CORO1A: variants seen among roughly 807,000 people sequenced by gnomAD.
CORO1A encodes the protein coronin 1A.
Under a neutral mutation model 44.1 loss-of-function variants are expected in CORO1A, and 17 were observed. The ratio of observed to expected loss-of-function variants is 0.39; its 90% CI spans 0.26 to 0.58. The LOEUF is 0.58. Ranked by LOEUF, CORO1A falls within the 20% of genes least tolerant of loss-of-function variation. The probability of loss-of-function intolerance (pLI) is 0.62; values close to 1 mark genes in which losing one functional copy is unlikely to be tolerated. For synonymous variants in CORO1A, 271 were observed against 244.2 expected, an observed-to-expected ratio of 1.11 and a Z score of -1.02; for missense variants, 415 against 606.5, an observed-to-expected ratio of 0.68 and a Z score of 3.32.
intron 7 of CORO1A, 46 bp from the exon 8 acceptor site, chr16:30,187,896 G>A: frequency 6.2e-7 from 1 of 1,612,536 alleles, no homozygotes; most frequent in Non-Finnish European, 8.5e-7. Context: ...CCAGGGCAGT[G>A]GGCATCCGCT....
In CORO1A at chr16:30,185,261, C is replaced by T; in HGVS notation, c.52C>T (p.Pro18Ser). The T allele has an allele frequency of 6.2e-7, 1 of 1,614,206 alleles. No homozygotes were observed. The highest frequency in any genetic ancestry group is 8.5e-7 in the Non-Finnish European group (1 of 1,180,024). ...SSKFRHVFGQ[P>S]AKADQCYEDV... ...CAAGTTCCGCCACGTGTTTGGACAGCCGGCCAAGGCCGACCAGTGCTATGA... is the reference window on the plus strand; with the variant it reads ...CAAGTTCCGCCACGTGTTTGGACAGTCGGCCAAGGCCGACCAGTGCTATGA... The change falls in exon 2 of 11, where the codon CCG becomes TCG. Residue 18 changes from proline (P) to serine (S), a missense_variant. Around this residue, in one of 2 missense-constraint regions of CORO1A, gnomAD observed 325 missense variants for 521.7 expected, o/e 0.62. Transcript: ENST00000219150.
At position 30,184,811 on chromosome 16, in the gene CORO1A, G is replaced by A. The variant is rs560325885; in HGVS notation, c.-1-398G>A. On this transcript the variant is annotated intron_variant, in intron 1 of 10. Coordinates refer to ENST00000219150, the MANE Select transcript of CORO1A (RefSeq NM_007074.4). This position sits in a 1 kb window ranked among gnomAD's most constrained non-coding sequence, Gnocchi z 4.3. ...TGTGAGGGAGGTGGGCTCTGGACAC[G>A]GTAACTAAGAGAGAACCCACCCTCG... The A allele has an allele frequency of 8.1e-5, 27 of 331,624 alleles. No individual in the cohort carries two copies. Among genetic ancestry groups the A allele is most frequent in the South Asian group, 6.7e-4 (26 of 39,022 alleles). The allele number at this position is 331,624 out of a possible 1,614,324, so 20.5% of individuals were successfully genotyped here. A position where few individuals can be genotyped will look rare whatever the true frequency, so the allele number is the denominator to read the frequency against.
chr16:30,186,773 T>C, intron 3 of CORO1A, 43 bp from the exon 4 acceptor site: 2 of 1,609,402 alleles, frequency 1.2e-6, no homozygotes, highest in African/African-American at 1.3e-5. Flanking sequence ...GGATGGGATC[T>C]GACATTTGGA....
In CORO1A at chr16:30,187,080, G is replaced by A; in HGVS notation, c.493G>A (p.Ala165Thr). 1.2e-6 allele frequency: 2 copies of A among 1,614,098 alleles called. No homozygotes were observed. The highest frequency in any genetic ancestry group is 2.2e-5 in the South Asian group (2 of 91,086). ...CATGGTGTGGGACGTGGGCACTGGGGCGGCCATGCTGACACTGGGCCCAGA... is the reference window on the plus strand; with the variant it reads ...CATGGTGTGGGACGTGGGCACTGGGACGGCCATGCTGACACTGGGCCCAGA... ...VIMVWDVGTG[A>T]AMLTLGPEVH... Residue 165 changes from alanine (A) to threonine (T), a missense_variant, in exon 5 of 11, where the codon GCG becomes ACG. By Grantham distance (58) the Ala-to-Thr change is moderately conservative. Around this residue, in one of 2 missense-constraint regions of CORO1A, gnomAD observed 325 missense variants for 521.7 expected, o/e 0.62. Transcript: ENST00000219150.
chr16:30,187,139 G>C lies in CORO1A; in HGVS notation c.552G>C (p.Trp184Cys), dbSNP rs1377932301. The change falls in exon 5 of 11, where the codon TGG becomes TGC. Residue 184 changes from tryptophan (W) to cysteine (C), a missense_variant. By Grantham distance (215) the Trp-to-Cys change is radical. Coordinates refer to ENST00000219150, the MANE Select transcript of CORO1A (RefSeq NM_007074.4). ...CAGACACGATCTACAGTGTGGACTG[G>C]AGCCGAGATGGAGGCCTCATTTGTA... Reference protein sequence around the residue: ...VHPDTIYSVDWSRDGGLICTS... With the variant: ...VHPDTIYSVDCSRDGGLICTS... 1.9e-6 allele frequency: 3 copies of C among 1,614,082 alleles called. No individual in the cohort carries two copies. The highest frequency in any genetic ancestry group is 2.5e-6 in the Non-Finnish European group (3 of 1,180,014).
chr16:30,188,923 A>G lies in CORO1A; in HGVS notation c.1345A>G (p.Lys449Glu). 6.6e-5 allele frequency: 20 copies of G among 301,986 alleles called. No homozygotes were observed. Among genetic ancestry groups the G allele is most frequent in the Non-Finnish European group, 9.1e-5 (16 of 175,138 alleles). 18.7% of individuals were successfully genotyped at this position (301,986 alleles called of 1,614,324 possible). ...KLQATVQELQ[K>E]RLDRLEETVQ... Reference sequence around the variant, plus strand: ...CCAGGCCACGGTGCAGGAGCTCCAGAAGCGCTTGGACAGGCTGGAGGAGAC... The same window carrying G: ...CCAGGCCACGGTGCAGGAGCTCCAGGAGCGCTTGGACAGGCTGGAGGAGAC... Residue 449 changes from lysine to glutamate, a missense_variant, in exon 11 of 11, where the codon AAG (lysine) becomes GAG (glutamate). By Grantham distance (56) the Lys-to-Glu change is moderately conservative. This residue lies in a region of CORO1A where 90 missense variants were observed against 84.7 expected (regional missense o/e 1.06). Transcript: ENST00000219150.
rs573555452 is a variant in CORO1A at position 30,188,717 on chromosome 16, T to C, written c.1281+141T>C. ...GAGGCCTCAGAACACAGGTTTCAGA[T>C]TGATAGGCCTGCAGGTCTCCAGGCA... On this transcript the variant is annotated intron_variant, in intron 10 of 10. Coordinates refer to ENST00000219150, the MANE Select transcript of CORO1A (RefSeq NM_007074.4). 165 of 670,866 alleles carry C rather than the reference T, an allele frequency of 2.5e-4. No homozygotes were observed. The African/African-American group carries it at 3.1e-3, about 13-fold the overall frequency. 41.6% of individuals were successfully genotyped at this position (670,866 alleles called of 1,614,324 possible).
rs1240726423 is a variant in CORO1A, at chr16:30,186,725, G to A, written c.321+5G>A. 1 of 1,611,678 alleles carries A rather than the reference G, an allele frequency of 6.2e-7. No homozygotes were observed. Among genetic ancestry groups the A allele is most frequent in the South Asian group, 1.1e-5 (1 of 91,020 alleles). On this transcript the variant is annotated splice_donor_5th_base_variant and intron_variant, in intron 3 of 10. Transcript: ENST00000219150. ...TCCGAGGACTGCACAGTCATGGTGA[G>A]TGGTGGTGGGGACCCAGGGGCTGGG...
rs1395773015 is a variant in CORO1A, at chr16:30,187,392, G to A, written c.647G>A (p.Arg216His). The change falls in exon 6 of 11, where the codon CGT becomes CAT. Residue 216 changes from arginine to histidine, a missense_variant. This residue lies in a region of CORO1A where 325 missense variants were observed against 521.7 expected (regional missense o/e 0.62). Coordinates refer to ENST00000219150, the MANE Select transcript of CORO1A (RefSeq NM_007074.4). Reference sequence around the variant, plus strand: ...TCCCTTTCCTTGCAGGAGAAGGACCGTCCCCACGAGGGGACCCGGCCCGTG... The same window carrying A: ...TCCCTTTCCTTGCAGGAGAAGGACCATCCCCACGAGGGGACCCGGCCCGTG... ...RKGTVVAEKD[R>H]PHEGTRPVRA... is the part of the protein sequence containing the mutation. 1.2e-6 allele frequency: 2 copies of A among 1,610,840 alleles called. No individual in the cohort carries two copies. The highest frequency in any genetic ancestry group is 1.6e-4 in the Middle Eastern group (1 of 6,062).
intron 9 of CORO1A, 49 bp from the exon 10 acceptor site, chr16:30,188,312 G>A: frequency 2.5e-6 from 4 of 1,611,758 alleles, no homozygotes; most frequent in Non-Finnish European, 3.4e-6. Context: ...TCTTGTGGGG[G>A]GTGTCCTGGC....
At position 30,188,182 on chromosome 16, in the gene CORO1A, C is replaced by T; in HGVS notation, c.1008-10C>T. The T allele has an allele frequency of 6.2e-7, 1 of 1,614,122 alleles. No homozygotes were observed. Among genetic ancestry groups the T allele is most frequent in the Non-Finnish European group, 8.5e-7 (1 of 1,180,012 alleles). On this transcript the variant is annotated splice_polypyrimidine_tract_variant and intron_variant, in intron 8 of 10. Transcript: ENST00000219150. ...GACTGTGGGCCCCGCTCACCTTCCCCTTCCCACAGGTTCTACAAGCTGCAC... is the reference window on the plus strand; with the variant it reads ...GACTGTGGGCCCCGCTCACCTTCCCTTTCCCACAGGTTCTACAAGCTGCAC...
At position 30,184,379 on chromosome 16, in the gene CORO1A, C is replaced by G. The variant is rs1180700642; in HGVS notation, c.-2+654C>G. The G allele has an allele frequency of 6.5e-6, 1 of 152,688 alleles. No homozygotes were observed. Among genetic ancestry groups the G allele is most frequent in the Non-Finnish European group, 1.5e-5 (1 of 68,376 alleles). 9.5% of individuals were successfully genotyped at this position (152,688 alleles called of 1,614,324 possible). On this transcript the variant is annotated intron_variant, in intron 1 of 10. Transcript: ENST00000219150. This position sits in a 1 kb window ranked among gnomAD's most constrained non-coding sequence, Gnocchi z 4.3. ...GAGGCTGAGGCTAGGGGCAGAGGCTCTGGGCATGGCACCCTCCAAGCGGCA... is the reference window on the plus strand; with the variant it reads ...GAGGCTGAGGCTAGGGGCAGAGGCTGTGGGCATGGCACCCTCCAAGCGGCA...
rs867912280 is a variant in CORO1A, at chr16:30,184,703, G to A, written c.-1-506G>A. On this transcript the variant is annotated intron_variant, in intron 1 of 10. Coordinates refer to ENST00000219150, the MANE Select transcript of CORO1A (RefSeq NM_007074.4). The surrounding 1 kb of genome is among the most constrained non-coding windows in gnomAD (Gnocchi z 4.3). ...CTCACTCCCCTCAGGCAGCCCCCAC[G>A]CCACTTCCTCCTGTGTCCAGCCCCA... 1.0e-5 allele frequency: 2 copies of A among 198,858 alleles called. No individual in the cohort carries two copies. The highest frequency in any genetic ancestry group is 2.1e-5 in the Non-Finnish European group (2 of 94,896). The allele number at this position is 198,858 out of a possible 1,614,324, so 12.3% of individuals were successfully genotyped here.
intron 2 of CORO1A, chr16:30,186,147 C>T (rs564732165): frequency 7.4e-6 from 2 of 269,110 alleles, no homozygotes; most frequent in Admixed American, 5.0e-5. Flanking sequence ...GGACAGGCTC[C>T]CTGGCCCCTC....
chr16:30,185,413 CCCCTGGGG>C lies in CORO1A; in HGVS notation c.198+15_198+22del. On this transcript the variant is annotated splice_region_variant and intron_variant, in intron 2 of 10. Coordinates refer to ENST00000219150, the MANE Select transcript of CORO1A (RefSeq NM_007074.4). ...TGGTGCTGCCCCTGGGCAAGGTGAG[CCCCTGGGG>C]CCCTGGGGGGAGCAGCTCCTCCACC... 1 of 1,611,826 alleles carries C rather than the reference CCCCTGGGG, an allele frequency of 6.2e-7. No homozygotes were observed. The highest frequency in any genetic ancestry group is 2.2e-5 in the East Asian group (1 of 44,866).
In CORO1A at chr16:30,185,625, C is replaced by T. The variant is rs1039063653; in HGVS notation, c.198+218C>T. 5.0e-6 allele frequency: 3 copies of T among 598,676 alleles called. No individual in the cohort carries two copies. In the South Asian group the frequency reaches 6.0e-5, roughly 12 times the overall value. 37.1% of individuals were successfully genotyped at this position (598,676 alleles called of 1,614,324 possible). A position where few individuals can be genotyped will look rare whatever the true frequency, so the allele number is the denominator to read the frequency against. ...GGAGCCAACACAAGATGGGTCACAC[C>T]AGTGACCAGGACTACAGACAGTCCT... On this transcript the variant is annotated intron_variant, in intron 2 of 10. Transcript: ENST00000219150.
chr16:30,185,767 C>A, intron 2 of CORO1A: 1 of 330,904 alleles, frequency 3.0e-6, no homozygotes, highest in Non-Finnish European at 5.7e-6. Context: ...TTGGGAGGGA[C>A]TCTGGCTCTG....
In CORO1A at chr16:30,186,827, C is replaced by A. The variant is rs767834047; in HGVS notation, c.333C>A (p.Ile111=). ...CCCCTCCTCTGCAGGTGTGGGAGAT[C>A]CCAGATGGGGGCCTGATGCTGCCCC... The part of the protein sequence containing the change: ...SEDCTVMVWE[I]PDGGLMLPLR... Residue 111 remains isoleucine, a synonymous_variant, in exon 4 of 11, where the codon ATC becomes ATA. Coordinates refer to ENST00000219150, the MANE Select transcript of CORO1A (RefSeq NM_007074.4). 3.1e-6 allele frequency: 5 copies of A among 1,610,968 alleles called. 1 individual carries two copies.
Position 30,187,237 on chromosome 16 carries a change from T to C in CORO1A, c.636+14T>C. On this transcript the variant is annotated intron_variant, in intron 5 of 10. Transcript: ENST00000219150. ...ACTGTCGTAGCTGTGAGTCGCCATCTACCCTGACCTTTGACCCTACAGCCT... is the reference window on the plus strand; with the variant it reads ...ACTGTCGTAGCTGTGAGTCGCCATCCACCCTGACCTTTGACCCTACAGCCT... 1 of 1,610,156 alleles carries C rather than the reference T, an allele frequency of 6.2e-7. No individual in the cohort carries two copies. Among genetic ancestry groups the C allele is most frequent in the Non-Finnish European group, 8.5e-7 (1 of 1,179,986 alleles).
Sources: allele counts gnomAD v4.1 joint callset, GRCh38; gene constraint gnomAD v4.1.1; regional missense constraint gnomAD v4.1.1; non-coding constraint Gnocchi (gnomAD v3.1); transcripts MANE v1.5; gene names NCBI Gene and HGNC (gene_info 2026-07-23, HGNC 2026-07-21).